FBXL7: variants seen among roughly 807,000 people sequenced by gnomAD.
FBXL7 encodes F-box/LRR-repeat protein 7.
In FBXL7, 12 loss-of-function variants were observed where a neutral mutation model predicts 38.3. The observed-to-expected ratio is 0.31, with a 90% CI of 0.20 to 0.51. The LOEUF (loss-of-function observed/expected upper bound fraction) is 0.51, where lower values mean the gene tolerates loss of function less well. Among genes scored for constraint, FBXL7 ranks in the 20% least tolerant of loss-of-function variants. The pLI is 0.98. For synonymous variants in FBXL7, 297 were observed against 300.9 expected (o/e 0.99, Z 0.13); for missense variants, 567 against 676.4 (o/e 0.84, Z 1.79).
intron 2 of FBXL7, among the ~76,000 whole-genome samples, chr5:15,892,550 G>A (rs1359083665): frequency 1.3e-5 from 2 of 152,166 alleles, no homozygotes; most frequent in Non-Finnish European, 2.9e-5. Flanking sequence ...CAGGGTTGAT[G>A]AAATTGATTC....
At chr5:15,666,697 G>A (rs1426699599) in intron 2 of FBXL7, among the ~76,000 whole-genome samples, 2 of 152,280 alleles carry the variant, frequency 1.3e-5, no homozygotes, top group East Asian at 3.9e-4. Context: ...TTAGCCTGAG[G>A]CAGAAAACTG....
At chr5:15,643,326 G>C (rs1741427848) in intron 2 of FBXL7, among the ~76,000 whole-genome samples, 1 of 152,156 alleles carries the variant, frequency 6.6e-6, no homozygotes, top group Non-Finnish European at 1.5e-5. Context: ...TGGTATTTAA[G>C]AGCCAATAAA....
At chr5:15,626,178 T>G (rs1740811420) in intron 2 of FBXL7, among the ~76,000 whole-genome samples, 1 of 152,228 alleles carries the variant, frequency 6.6e-6, no homozygotes. Context: ...GTTTTGGTGA[T>G]TCAATGAGCA....
At chr5:15,702,163 A>G (rs1371333665) in intron 2 of FBXL7, among the ~76,000 whole-genome samples, 1 of 151,302 alleles carries the variant, frequency 6.6e-6, no homozygotes, top group Non-Finnish European at 1.5e-5. Flanking sequence ...GCTTGAACCC[A>G]GGAGGCGGAG....
intron 2 of FBXL7, among the ~76,000 whole-genome samples, chr5:15,816,945 C>T: frequency 6.6e-6 from 1 of 152,316 alleles, no homozygotes; most frequent in East Asian, 1.9e-4. Context: ...TTTAAAACTA[C>T]AAACACACCT....
chr5:15,829,424 T>A (rs1561142571), intron 2 of FBXL7, among the ~76,000 whole-genome samples: 1 of 152,256 alleles, frequency 6.6e-6, no homozygotes, highest in Non-Finnish European at 1.5e-5. Context: ...ATGTGCATTT[T>A]AAAACCATGT....
At chr5:15,706,161 T>TTTAGACAG (rs1743673314) in intron 2 of FBXL7, among the ~76,000 whole-genome samples, 1 of 152,168 alleles carries the variant, frequency 6.6e-6, no homozygotes, top group Non-Finnish European at 1.5e-5. Context: ...TTACGTTGAA[T>TTTAGACAG]AGTATTCCCC....
At chr5:15,906,193 A>C (rs1741356027) in intron 2 of FBXL7, among the ~76,000 whole-genome samples, 1 of 152,128 alleles carries the variant, frequency 6.6e-6, no homozygotes, top group African/African-American at 2.4e-5. Context: ...ATGATATTGC[A>C]AAATTTTATT....
intron 1 of FBXL7, among the ~76,000 whole-genome samples, chr5:15,562,621 T>C (rs1297212560): frequency 2.0e-5 from 3 of 152,064 alleles, no homozygotes; most frequent in African/African-American, 7.2e-5. Context: ...TTCATTACTT[T>C]TCTTGCTCGT....
chr5:15,639,224 C>G (rs1239887965), intron 2 of FBXL7, among the ~76,000 whole-genome samples: 1 of 152,168 alleles, frequency 6.6e-6, no homozygotes. Context: ...GGGCTTTAGA[C>G]TCAGACAGCC....
chr5:15,842,404 C>T (rs1180697250), intron 2 of FBXL7, among the ~76,000 whole-genome samples: 1 of 152,214 alleles, frequency 6.6e-6, no homozygotes. Flanking sequence ...TGGGAAGTAA[C>T]TAACTTTCTT....
At chr5:15,618,774 T>C (rs1223016456) in intron 2 of FBXL7, among the ~76,000 whole-genome samples, 1 of 152,100 alleles carries the variant, frequency 6.6e-6, no homozygotes, top group African/African-American at 2.4e-5. Flanking sequence ...GGAAGAGATC[T>C]GAGTTACCCC....
At chr5:15,571,960 G>A (rs1327234311) in intron 1 of FBXL7, among the ~76,000 whole-genome samples, 1 of 152,064 alleles carries the variant, frequency 6.6e-6, no homozygotes, top group East Asian at 1.9e-4. Flanking sequence ...AATTAGCCCA[G>A]AATTATCAGA....
rs542829614 is a variant in FBXL7, at chr5:15,662,617, G to T, written c.127+46545G>T. ...AGTATTGCCTAGATTGTCTTCCAGG[G>T]TTTTTACAGTTTTGGGCTTTACATT... On this transcript the variant is annotated intron_variant, in intron 2 of 3. Transcript: ENST00000504595. Among the ~76,000 whole-genome samples, 11 of 152,226 alleles carry T rather than the reference G, an allele frequency of 7.2e-5. No homozygotes were observed. The East Asian group carries it at 2.1e-3, about 29-fold the overall frequency.
intron 2 of FBXL7, among the ~76,000 whole-genome samples, chr5:15,832,681 G>GA (rs1039967103): frequency 2.0e-5 from 3 of 152,312 alleles, no homozygotes; most frequent in African/African-American, 7.2e-5. Flanking sequence ...CAAAGACAGA[G>GA]AGGAACCAAG....
At chr5:15,704,927 A>T (rs1414194674) in intron 2 of FBXL7, among the ~76,000 whole-genome samples, 1 of 151,780 alleles carries the variant, frequency 6.6e-6, no homozygotes. Context: ...GCAGTTTTCT[A>T]TGCATAGACA....
chr5:15,599,109 T>C (rs1336620402), intron 1 of FBXL7, among the ~76,000 whole-genome samples: 1 of 152,132 alleles, frequency 6.6e-6, no homozygotes, highest in East Asian at 1.9e-4. Flanking sequence ...TTAAATAGAA[T>C]TGCAGCTTCC....
chr5:15,913,290 T>G (rs902834044), intron 2 of FBXL7, among the ~76,000 whole-genome samples: 1 of 150,726 alleles, frequency 6.6e-6, no homozygotes, highest in Non-Finnish European at 1.5e-5. Context: ...TATTATACTC[T>G]AAGTTTTAGG....
chr5:15,790,719 A>G (rs1737251644), intron 2 of FBXL7, among the ~76,000 whole-genome samples: 1 of 152,152 alleles, frequency 6.6e-6, no homozygotes, highest in South Asian at 2.1e-4. Flanking sequence ...CCTGACATTT[A>G]TTCACTGAAC....
Sources: allele counts gnomAD v4.1 joint callset (sites outside exome capture counted in the v4.1 genomes callset), GRCh38; gene constraint gnomAD v4.1.1; transcripts MANE v1.5; gene names NCBI Gene and HGNC (gene_info 2026-07-23, HGNC 2026-07-21).